Variants in SPSB4 observed in about 807,000 individuals in gnomAD.
SPSB4 encodes the protein splA/ryanodine receptor domain and SOCS box containing 4.
In SPSB4, 21 loss-of-function variants were observed where a neutral mutation model predicts 20.9. That is an observed-to-expected ratio of 1.01 (90% confidence interval 0.71 to 1.45). SPSB4 has a LOEUF of 1.45. Ranked by LOEUF, SPSB4 falls within the 40% of genes most tolerant of loss-of-function variation. The pLI, the probability that SPSB4 is intolerant of heterozygous loss-of-function variation, is 0.00. For missense variants in SPSB4, 399 were observed against 399.2 expected, an observed-to-expected ratio of 1.00 and a Z score of 0.00; for synonymous variants, 207 against 183.8, an observed-to-expected ratio of 1.13 and a Z score of -1.02.
chr3:141,082,619 C>CTATGTATG (rs201039584), intron 2 of SPSB4, among the ~76,000 whole-genome samples: 2 of 77,592 alleles, frequency 2.6e-5, no homozygotes, highest in Non-Finnish European at 2.2e-5. Context: ...AACCCAGGTG[C>CTATGTATG]TATCTATCTA....
chr3:141,077,092 C>T (rs895384631), intron 2 of SPSB4: 3 of 152,152 alleles, frequency 2.0e-5, no homozygotes, highest in Non-Finnish European at 4.4e-5. Flanking sequence ...GTTACGGCCT[C>T]GCCCAGACAC....
chr3:141,082,779 G>A (rs1345716596), intron 2 of SPSB4, among the ~76,000 whole-genome samples: 1 of 152,212 alleles, frequency 6.6e-6, no homozygotes, highest in Non-Finnish European at 1.5e-5. Flanking sequence ...ACTAGAATTT[G>A]GACTCTAGTC....
rs148615349 is a variant in SPSB4 at position 141,116,607 on chromosome 3, C to T, written c.695-30535C>T. Among the ~76,000 whole-genome samples, 30 of 152,338 alleles carry T rather than the reference C, an allele frequency of 2.0e-4. No individual in the cohort carries two copies. In the East Asian group the frequency reaches 3.1e-3, roughly 16 times the overall value. On this transcript the variant is annotated intron_variant, in intron 2 of 2. Coordinates refer to ENST00000310546, the MANE Select transcript of SPSB4 (RefSeq NM_080862.3). ...CTGTGACCTTGAGCAAGTGCCTATC[C>T]TCTCAACTGCCTCCATTTCCTCCAG...
At chr3:141,094,450 C>T (rs1938513512) in intron 2 of SPSB4, among the ~76,000 whole-genome samples, 1 of 152,190 alleles carries the variant, frequency 6.6e-6, no homozygotes, top group African/African-American at 2.4e-5. Context: ...TTCCTTATCT[C>T]TGTCAGTTGC....
At chr3:141,059,977 A>G (rs1256774290) in intron 1 of SPSB4, among the ~76,000 whole-genome samples, 1 of 152,206 alleles carries the variant, frequency 6.6e-6, no homozygotes, top group Non-Finnish European at 1.5e-5. Flanking sequence ...CCTGTCCTTC[A>G]TTAGATTGCC....
At chr3:141,111,253 T>C (rs1938793376) in intron 2 of SPSB4, among the ~76,000 whole-genome samples, 1 of 151,996 alleles carries the variant, frequency 6.6e-6, no homozygotes, top group Non-Finnish European at 1.5e-5. Flanking sequence ...TGAATATTCA[T>C]AGGTTTCACT....
chr3:141,057,577 C>G (rs866729126), intron 1 of SPSB4, among the ~76,000 whole-genome samples: 1 of 152,144 alleles, frequency 6.6e-6, no homozygotes, highest in African/African-American at 2.4e-5. Flanking sequence ...GAGGGACACC[C>G]GGCCCCTGCT....
At chr3:141,124,928 C>T (rs1356200148) in intron 2 of SPSB4, among the ~76,000 whole-genome samples, 1 of 152,168 alleles carries the variant, frequency 6.6e-6, no homozygotes, top group African/African-American at 2.4e-5. Context: ...AACAGGCTCC[C>T]AGGTGACACT....
At chr3:141,125,746 T>C (rs1489361312) in intron 2 of SPSB4, among the ~76,000 whole-genome samples, 2 of 152,130 alleles carry the variant, frequency 1.3e-5, no homozygotes, top group African/African-American at 2.4e-5. Flanking sequence ...CAGGGAAGGG[T>C]TGCAATTCAG....
At chr3:141,113,054 T>G (rs951823526) in intron 2 of SPSB4, among the ~76,000 whole-genome samples, 1 of 152,184 alleles carries the variant, frequency 6.6e-6, no homozygotes, top group African/African-American at 2.4e-5. Flanking sequence ...CAGGAAGCAG[T>G]GCTTTAAATT....
intron 2 of SPSB4, among the ~76,000 whole-genome samples, chr3:141,121,797 C>G (rs1055523419): frequency 6.6e-6 from 1 of 152,170 alleles, no homozygotes; most frequent in African/African-American, 2.4e-5. Context: ...ACTGTTTATT[C>G]TAGTTAGCCA....
At chr3:141,097,217 C>T (rs991005898) in intron 2 of SPSB4, among the ~76,000 whole-genome samples, 2 of 152,294 alleles carry the variant, frequency 1.3e-5, no homozygotes, top group African/African-American at 2.4e-5. Flanking sequence ...TGGCCAGGGC[C>T]TTTGTTGGCC....
In SPSB4 at chr3:141,147,136, T is replaced by C; in HGVS notation, c.695-6T>C. On this transcript the variant is annotated splice_region_variant and splice_polypyrimidine_tract_variant and intron_variant, in intron 2 of 2. Transcript: ENST00000310546. ...GCACACTCTAACTGCTTCCCTCTCA[T>C]TGCAGCCGAGCCCCTGCCACTGATG... 3 of 1,613,866 alleles carry C rather than the reference T, an allele frequency of 1.9e-6. No individual in the cohort carries two copies. Among genetic ancestry groups the C allele is most frequent in the Non-Finnish European group, 2.5e-6 (3 of 1,180,008 alleles).
intron 2 of SPSB4, among the ~76,000 whole-genome samples, chr3:141,102,717 T>G (rs1938630797): frequency 1.3e-5 from 2 of 152,036 alleles, no homozygotes. Flanking sequence ...ACAGAAACTT[T>G]GTATATATGA....
intron 2 of SPSB4, among the ~76,000 whole-genome samples, chr3:141,136,127 T>G (rs1939223392): frequency 1.3e-5 from 2 of 152,248 alleles, no homozygotes; most frequent in South Asian, 4.1e-4. Flanking sequence ...GCTTTTTGGC[T>G]GCATGAATGT....
chr3:141,138,561 C>T (rs1939268821), intron 2 of SPSB4, among the ~76,000 whole-genome samples: 1 of 152,180 alleles, frequency 6.6e-6, no homozygotes, highest in South Asian at 2.1e-4. Flanking sequence ...TTTCAAAGAA[C>T]ATCTTTATTT....
chr3:141,084,110 T>G (rs1002238524), intron 2 of SPSB4, among the ~76,000 whole-genome samples: 1 of 152,216 alleles, frequency 6.6e-6, no homozygotes, highest in Non-Finnish European at 1.5e-5. Context: ...AGAGCTCATG[T>G]GGATTTACTT....
intron 2 of SPSB4, among the ~76,000 whole-genome samples, chr3:141,071,499 C>T (rs1464390494): frequency 1.3e-5 from 2 of 151,590 alleles, no homozygotes; most frequent in African/African-American, 4.8e-5. Context: ...TTCTTTTCGT[C>T]GCAATAAGTC....
intron 2 of SPSB4, among the ~76,000 whole-genome samples, chr3:141,087,156 C>A (rs1266710974): frequency 1.3e-5 from 2 of 152,168 alleles, no homozygotes; most frequent in South Asian, 2.1e-4. Context: ...AGGATGAGCT[C>A]TCTGAGCCTA....
Sources: allele counts gnomAD v4.1 joint callset (sites outside exome capture counted in the v4.1 genomes callset), GRCh38; gene constraint gnomAD v4.1.1; transcripts MANE v1.5; gene names NCBI Gene and HGNC (gene_info 2026-07-23, HGNC 2026-07-21).